TMEM108: variants seen among roughly 807,000 people sequenced by gnomAD.
TMEM108 encodes the protein cancer/testis antigen 124.
TMEM108 carries 12 observed loss-of-function variants against 35.1 expected under a neutral mutation model. The observed-to-expected ratio is 0.34, with a 90% CI of 0.22 to 0.55. The LOEUF (loss-of-function observed/expected upper bound fraction) is 0.55. Among genes scored for constraint, TMEM108 ranks in the 20% least tolerant of loss-of-function variants. The probability of loss-of-function intolerance (pLI) is 0.89; values close to 1 mark genes in which losing one functional copy is unlikely to be tolerated. For synonymous variants in TMEM108, 287 were observed against 308.6 expected (o/e 0.93, Z 0.73); for missense variants, 680 against 753.3 (o/e 0.90, Z 1.14).
rs1156955147 is a variant in TMEM108, at chr3:133,229,365, G to T, written c.40+14G>T. 1 of 1,611,310 alleles carries T rather than the reference G, an allele frequency of 6.2e-7. No homozygotes were observed. The highest frequency in any genetic ancestry group is 1.3e-5 in the African/African-American group (1 of 74,908). On this transcript the variant is annotated intron_variant, in intron 3 of 5. Coordinates refer to ENST00000321871, the MANE Select transcript of TMEM108 (RefSeq NM_023943.4). ...GCCAACTGTTAAGTAAGTTGACACT[G>T]TATTTCTTCTTTCCTAAAATATACT... is the stretch of plus-strand genomic sequence containing the variant.
chr3:133,142,365 G>A (rs1189688919), intron 2 of TMEM108, among the ~76,000 whole-genome samples: 1 of 152,172 alleles, frequency 6.6e-6, no homozygotes, highest in African/African-American at 2.4e-5. Context: ...AGGAGCCAGG[G>A]ATAGAAACAG....
chr3:133,190,199 G>A (rs1945478712), intron 2 of TMEM108, among the ~76,000 whole-genome samples: 2 of 152,312 alleles, frequency 1.3e-5, no homozygotes, highest in South Asian at 4.1e-4. Context: ...TTTTGTGAAT[G>A]TGGAAGTGAC....
intron 2 of TMEM108, among the ~76,000 whole-genome samples, chr3:133,146,142 C>G (rs982354514): frequency 3.3e-5 from 5 of 152,172 alleles, no homozygotes; most frequent in African/African-American, 1.2e-4. Flanking sequence ...TACATTCCAT[C>G]AATACCTAGT....
intron 3 of TMEM108, among the ~76,000 whole-genome samples, chr3:133,374,476 C>A (rs1165098897): frequency 6.7e-6 from 1 of 149,828 alleles, no homozygotes; most frequent in African/African-American, 2.5e-5. Context: ...AACAAATATG[C>A]CTTGTGTGTA....
intron 3 of TMEM108, among the ~76,000 whole-genome samples, chr3:133,320,003 C>T (rs1432950714): frequency 6.6e-6 from 1 of 152,168 alleles, no homozygotes; most frequent in Non-Finnish European, 1.5e-5. Context: ...CGCAGTGGCT[C>T]ATGCCTGTAA....
chr3:133,197,622 A>C (rs1179458135), intron 2 of TMEM108, among the ~76,000 whole-genome samples: 2 of 152,126 alleles, frequency 1.3e-5, no homozygotes, highest in Non-Finnish European at 2.9e-5. Context: ...CTCCCATGGC[A>C]TCTGCATTGT....
chr3:133,242,326 C>T (rs954214733), intron 3 of TMEM108, among the ~76,000 whole-genome samples: 2 of 152,082 alleles, frequency 1.3e-5, no homozygotes, highest in African/African-American at 2.4e-5. Flanking sequence ...AGCATAGTGC[C>T]GAGTTCAGAA....
chr3:133,312,584 A>G (rs1232333960), intron 3 of TMEM108, among the ~76,000 whole-genome samples: 1 of 152,254 alleles, frequency 6.6e-6, no homozygotes, highest in African/African-American at 2.4e-5. Flanking sequence ...GACCATGTGA[A>G]AAGCGCAGTA....
intron 3 of TMEM108, among the ~76,000 whole-genome samples, chr3:133,252,914 A>G (rs1275733118): frequency 6.6e-6 from 1 of 152,212 alleles, no homozygotes; most frequent in African/African-American, 2.4e-5. Context: ...ACCCAATTTT[A>G]TATAAAAGAC....
At chr3:133,230,922 G>C (rs1197288606) in intron 3 of TMEM108, among the ~76,000 whole-genome samples, 1 of 152,160 alleles carries the variant, frequency 6.6e-6, no homozygotes, top group African/African-American at 2.4e-5. Context: ...AAACGACTGT[G>C]TCTTAACACC....
At chr3:133,273,956 C>T (rs1479005836) in intron 3 of TMEM108, among the ~76,000 whole-genome samples, 2 of 152,130 alleles carry the variant, frequency 1.3e-5, no homozygotes, top group African/African-American at 4.8e-5. Context: ...AGCAATCCTT[C>T]GGGGCTTATT....
chr3:133,201,915 A>T (rs145933568), intron 2 of TMEM108, among the ~76,000 whole-genome samples: 3 of 152,258 alleles, frequency 2.0e-5, no homozygotes, highest in East Asian at 1.9e-4. Flanking sequence ...CACTCCCACC[A>T]ATGGTTTAAA....
chr3:133,292,145 T>C (rs1369813023), intron 3 of TMEM108, among the ~76,000 whole-genome samples: 1 of 142,056 alleles, frequency 7.0e-6, no homozygotes, highest in South Asian at 2.4e-4. Context: ...GTTTACCAGA[T>C]TGGTAAAGGG....
intron 1 of TMEM108, among the ~76,000 whole-genome samples, chr3:133,044,937 T>A (rs976603681): frequency 2.0e-5 from 3 of 151,516 alleles, no homozygotes; most frequent in Non-Finnish European, 4.4e-5. Context: ...AGACCCTGTC[T>A]CTTAAAAAAA....
At chr3:133,150,146 A>T (rs1163802286) in intron 2 of TMEM108, among the ~76,000 whole-genome samples, 3 of 151,982 alleles carry the variant, frequency 2.0e-5, no homozygotes, top group African/African-American at 7.2e-5. Flanking sequence ...CTTCACCATC[A>T]CTTGTTATCT....
chr3:133,147,474 C>A (rs1389738344), intron 2 of TMEM108, among the ~76,000 whole-genome samples: 2 of 152,146 alleles, frequency 1.3e-5, no homozygotes, highest in Admixed American at 6.6e-5. Flanking sequence ...ATTTGCATTT[C>A]TCTAATGATT....
At chr3:133,063,050 G>T (rs150339568) in intron 2 of TMEM108, among the ~76,000 whole-genome samples, 1 of 152,270 alleles carries the variant, frequency 6.6e-6, no homozygotes, top group Non-Finnish European at 1.5e-5. Context: ...ATGGGTTGGA[G>T]GTCTCCCTGG....
At chr3:133,086,351 G>C (rs918349047) in intron 2 of TMEM108, among the ~76,000 whole-genome samples, 1 of 151,798 alleles carries the variant, frequency 6.6e-6, no homozygotes, top group African/African-American at 2.4e-5. Context: ...TTGTAAGTTT[G>C]AGGTAAGCAT....
rs138402951 is a variant in TMEM108, at chr3:133,258,140, A to C, written c.40+28789A>C. Among the ~76,000 whole-genome samples, 490 of 152,274 alleles carry C rather than the reference A, an allele frequency of 3.2e-3. 5 individuals are homozygous for C. Among genetic ancestry groups the C allele is most frequent in the African/African-American group, 0.011 (465 of 41,544 alleles). Reference sequence around the variant, plus strand: ...GGGTGGATCCCTCGTGAATGGGATTAATGCCCTTATAAAAGAGACCTTAAG... The same window carrying C: ...GGGTGGATCCCTCGTGAATGGGATTCATGCCCTTATAAAAGAGACCTTAAG... On this transcript the variant is annotated intron_variant, in intron 3 of 5. Coordinates refer to ENST00000321871, the MANE Select transcript of TMEM108 (RefSeq NM_023943.4).
Sources: gnomAD v4.1 joint callset for allele counts (sites outside exome capture counted in the v4.1 genomes callset) on GRCh38, gnomAD v4.1.1 for gene constraint, MANE v1.5 for transcripts, NCBI Gene and HGNC (gene_info 2026-07-23, HGNC 2026-07-21) for gene names.